TMEM106B: variants seen among roughly 807,000 people sequenced by gnomAD.
TMEM106B encodes the protein transmembrane protein 106B.
In TMEM106B, 15 loss-of-function variants were observed where a neutral mutation model predicts 31.1. The ratio of observed to expected loss-of-function variants is 0.48; its 90% CI spans 0.32 to 0.74. The LOEUF is 0.74. Ranked by LOEUF, TMEM106B falls within the 30% of genes least tolerant of loss-of-function variation. The pLI is 0.03. For missense variants in TMEM106B, 283 were observed against 327.3 expected, an observed-to-expected ratio of 0.86 and a Z score of 1.04; for synonymous variants, 126 against 112.5, an observed-to-expected ratio of 1.12 and a Z score of -0.76.
At chr7:12,218,339 T>A (rs575745846) in intron 2 of TMEM106B, 119 bp from the exon 3 acceptor site, 1 of 667,204 alleles carries the variant, frequency 1.5e-6, no homozygotes, top group Non-Finnish European at 2.4e-6. Flanking sequence ...AGCAATTTAC[T>A]AAAGGAAAGA....
chr7:12,228,613 G>C (rs1409404749), intron 4 of TMEM106B, among the ~76,000 whole-genome samples: 1 of 151,640 alleles, frequency 6.6e-6, no homozygotes, highest in Non-Finnish European at 1.5e-5. Context: ...TATTTCTGTG[G>C]AATCGGTGCT....
chr7:12,223,907 G>A (rs1009345845), intron 3 of TMEM106B, among the ~76,000 whole-genome samples: 1 of 151,908 alleles, frequency 6.6e-6, no homozygotes, highest in Non-Finnish European at 1.5e-5. Context: ...TTTTAGTAGA[G>A]ATGGTTTTTC....
At position 12,241,748 on chromosome 7, in the gene TMEM106B, A is replaced by G. The variant is rs1263423633; in HGVS notation, c.*9773A>G. 1 of 152,122 alleles carries G rather than the reference A, an allele frequency of 6.6e-6. No homozygotes were observed. The highest frequency in any genetic ancestry group is 1.9e-4 in the East Asian group (1 of 5,180). The allele number at this position is 152,122 out of a possible 1,614,324, so 9.4% of individuals were successfully genotyped here. A position where few individuals can be genotyped will look rare whatever the true frequency, so the allele number is the denominator to read the frequency against. On this transcript the variant is annotated 3_prime_UTR_variant, in exon 8 of 8. Coordinates refer to ENST00000396668, the MANE Select transcript of TMEM106B (RefSeq NM_001134232.2). ...TGTCTTTACAGTAAAATGATTTATAATCTTTTGGGTATACACCCAGTAATG... is the reference window on the plus strand; with the variant it reads ...TGTCTTTACAGTAAAATGATTTATAGTCTTTTGGGTATACACCCAGTAATG...
intron 4 of TMEM106B, among the ~76,000 whole-genome samples, chr7:12,227,832 TTC>T (rs1781931236): frequency 6.6e-6 from 1 of 151,940 alleles, no homozygotes; most frequent in African/African-American, 2.4e-5. Context: ...TTTTTATTTA[TTC>T]TGTCTTATTT....
At position 12,215,045 on chromosome 7, in the gene TMEM106B, G is replaced by A. The variant is rs1472816002; in HGVS notation, c.217+18G>A. The A allele has an allele frequency of 6.3e-7, 1 of 1,591,466 alleles. No individual in the cohort carries two copies. The highest frequency in any genetic ancestry group is 8.6e-7 in the Non-Finnish European group (1 of 1,168,000). ...TCCTAGGGGTATGTGTTATTGTATT[G>A]TTTTCCCTTTAAATGATTTTAGGTA... On this transcript the variant is annotated intron_variant, in intron 2 of 7. Coordinates refer to ENST00000396668, the MANE Select transcript of TMEM106B (RefSeq NM_001134232.2).
At chr7:12,224,132 C>A in intron 3 of TMEM106B, 94 bp from the exon 4 acceptor site, 1 of 1,159,106 alleles carries the variant, frequency 8.6e-7, no homozygotes, top group Non-Finnish European at 1.3e-6. Context: ...TATGTTGCTG[C>A]TGATATATGG....
At chr7:12,217,499 A>T (rs1781710524) in intron 2 of TMEM106B, among the ~76,000 whole-genome samples, 1 of 152,136 alleles carries the variant, frequency 6.6e-6, no homozygotes, top group African/African-American at 2.4e-5. Flanking sequence ...CAAAAATGAA[A>T]CCAGTGAGTG....
At chr7:12,213,212 A>C (rs1441887772) in intron 1 of TMEM106B, among the ~76,000 whole-genome samples, 1 of 152,108 alleles carries the variant, frequency 6.6e-6, no homozygotes, top group Non-Finnish European at 1.5e-5. Flanking sequence ...TAGTGTTCTA[A>C]ATTTTGCTGC....
rs1169765784 is a variant in TMEM106B, at chr7:12,242,379, CAAAAAAAAAAAAAA to C, written c.*10419_*10432del. On this transcript the variant is annotated 3_prime_UTR_variant, in exon 8 of 8. Transcript: ENST00000396668. ...TGGGCGACAGAGCGAGACTCCGTCT[CAAAAAAAAAAAAAA>C]AAAAAAAAAAAAAATACCCTTCTTT... 7 of 11,662 alleles carry C rather than the reference CAAAAAAAAAAAAAA, an allele frequency of 6.0e-4. 2 individuals are homozygous for C. In the Admixed American group the frequency reaches 8.4e-3, roughly 14 times the overall value. The allele number at this position is 11,662 out of a possible 1,614,324, so 0.7% of individuals were successfully genotyped here. A position where few individuals can be genotyped will look rare whatever the true frequency, so the allele number is the denominator to read the frequency against.
rs1381783446 is a variant in TMEM106B, at chr7:12,239,918, C to A, written c.*7943C>A. On this transcript the variant is annotated 3_prime_UTR_variant, in exon 8 of 8. Coordinates refer to ENST00000396668, the MANE Select transcript of TMEM106B (RefSeq NM_001134232.2). ...GACAGAGACATGAAATGAGAACATG[C>A]TGTTGAAAAAAATGGCACTCATAGA... is the stretch of plus-strand genomic sequence containing the variant. The A allele has an allele frequency of 6.6e-6, 1 of 152,074 alleles. No individual in the cohort carries two copies. The allele number at this position is 152,074 out of a possible 1,614,324, so 9.4% of individuals were successfully genotyped here.
At chr7:12,215,415 T>C (rs1055725633) in intron 2 of TMEM106B, among the ~76,000 whole-genome samples, 9 of 151,780 alleles carry the variant, frequency 5.9e-5, no homozygotes, top group African/African-American at 1.9e-4. Context: ...TTTTTTTTTT[T>C]TTAAGAGATG....
In TMEM106B at chr7:12,233,388, C is replaced by G. The variant is rs1039995793; in HGVS notation, c.*1413C>G. 8 of 151,418 alleles carry G rather than the reference C, an allele frequency of 5.3e-5. No homozygotes were observed. The highest frequency in any genetic ancestry group is 8.9e-5 in the Non-Finnish European group (6 of 67,616). The allele number at this position is 151,418 out of a possible 1,614,324, so 9.4% of individuals were successfully genotyped here. A position where few individuals can be genotyped will look rare whatever the true frequency, so the allele number is the denominator to read the frequency against. Reference sequence around the variant, plus strand: ...TGACAGAAATCAGGTTTCCCTTTCCCCACCCCTAAGTGCCTAACTTAGGTC... The same window carrying G: ...TGACAGAAATCAGGTTTCCCTTTCCGCACCCCTAAGTGCCTAACTTAGGTC... On this transcript the variant is annotated 3_prime_UTR_variant, in exon 8 of 8. Transcript: ENST00000396668.
At chr7:12,218,343 G>A (rs1325504362) in intron 2 of TMEM106B, 115 bp from the exon 3 acceptor site, 26 of 710,100 alleles carry the variant, frequency 3.7e-5, no homozygotes, top group Non-Finnish European at 5.5e-5. Context: ...ATTTACTAAA[G>A]GAAAGAGATG....
rs911381669 is a variant in TMEM106B, at chr7:12,238,000, A to G, written c.*6025A>G. ...GGGGTGGCTATGGCAATTTCTTAAGACAACAATGAAGTTTATCACATCTAT... is the reference window on the plus strand; with the variant it reads ...GGGGTGGCTATGGCAATTTCTTAAGGCAACAATGAAGTTTATCACATCTAT... On this transcript the variant is annotated 3_prime_UTR_variant, in exon 8 of 8. Transcript: ENST00000396668. 6.6e-6 allele frequency: 1 copy of G among 152,238 alleles called. No individual in the cohort carries two copies. The highest frequency in any genetic ancestry group is 2.4e-5 in the African/African-American group (1 of 41,436). The allele number at this position is 152,238 out of a possible 1,614,324, so 9.4% of individuals were successfully genotyped here. A position where few individuals can be genotyped will look rare whatever the true frequency, so the allele number is the denominator to read the frequency against.
Position 12,237,859 on chromosome 7 carries a change from T to C in TMEM106B, c.*5884T>C, listed in dbSNP as rs541179863. 3 of 137,454 alleles carry C rather than the reference T, an allele frequency of 2.2e-5. No individual in the cohort carries two copies. The highest frequency in any genetic ancestry group is 1.5e-4 in the Admixed American group (2 of 13,736). The allele number at this position is 137,454 out of a possible 1,614,324, so 8.5% of individuals were successfully genotyped here. ...CACACACACACACACACACACACTA[T>C]TGCTAAAAAATGTTAACGATCATCT... On this transcript the variant is annotated 3_prime_UTR_variant, in exon 8 of 8. Coordinates refer to ENST00000396668, the MANE Select transcript of TMEM106B (RefSeq NM_001134232.2).
intron 5 of TMEM106B, 171 bp from the exon 6 acceptor site, chr7:12,230,218 A>G: frequency 1.5e-6 from 1 of 658,164 alleles, no homozygotes; most frequent in Non-Finnish European, 2.7e-6. Context: ...CCTGTCTCAA[A>G]AAAGAAAAAA....
rs1049916506 is a variant in TMEM106B at position 12,240,032 on chromosome 7, A to G, written c.*8057A>G. On this transcript the variant is annotated 3_prime_UTR_variant, in exon 8 of 8. Coordinates refer to ENST00000396668, the MANE Select transcript of TMEM106B (RefSeq NM_001134232.2). ...AAGGTGATGCACAATAAAAGGAAGT[A>G]TATCTGCACTTCCTTCTTTTTTACT... The G allele has an allele frequency of 2.2e-5, 3 of 134,788 alleles. No homozygotes were observed. The highest frequency in any genetic ancestry group is 4.5e-4 in the East Asian group (2 of 4,464). 8.3% of individuals were successfully genotyped at this position (134,788 alleles called of 1,614,324 possible).
chr7:12,229,726 A>G lies in TMEM106B; in HGVS notation c.489A>G (p.Glu163=). The change falls in exon 5 of 8, where the codon GAA becomes GAG. Residue 163 remains glutamate, a synonymous_variant. Coordinates refer to ENST00000396668, the MANE Select transcript of TMEM106B (RefSeq NM_001134232.2). ...ATAACTATTACTCTGTCGAAGTTGA[A>G]AACATCACTGCCCAAGTTCAATTTT... ...TNNNYYSVEV[E]NITAQVQFSK... 1.2e-6 allele frequency: 2 copies of G among 1,613,192 alleles called. No individual in the cohort carries two copies. The highest frequency in any genetic ancestry group is 1.7e-6 in the Non-Finnish European group (2 of 1,179,700).
rs893266661 is a variant in TMEM106B, at chr7:12,240,001, C to T, written c.*8026C>T. 6 of 152,054 alleles carry T rather than the reference C, an allele frequency of 3.9e-5. No individual in the cohort carries two copies. The highest frequency in any genetic ancestry group is 5.9e-5 in the Non-Finnish European group (4 of 68,000). 9.4% of individuals were successfully genotyped at this position (152,054 alleles called of 1,614,324 possible). On this transcript the variant is annotated 3_prime_UTR_variant, in exon 8 of 8. Transcript: ENST00000396668. ...CATCAAAACCACAATATCTGCAAAACGCAATAAGGTGATGCACAATAAAAG... is the reference window on the plus strand; with the variant it reads ...CATCAAAACCACAATATCTGCAAAATGCAATAAGGTGATGCACAATAAAAG...
Sources: allele counts gnomAD v4.1 joint callset (sites outside exome capture counted in the v4.1 genomes callset), GRCh38; gene constraint gnomAD v4.1.1; transcripts MANE v1.5; gene names NCBI Gene and HGNC (gene_info 2026-07-23, HGNC 2026-07-21).